The following CCDC146 variants were observed in gnomAD, a reference collection of about 807,000 sequenced individuals.
The protein encoded by CCDC146 is coiled-coil domain containing 146.
Under a neutral mutation model 119.3 loss-of-function variants are expected in CCDC146, and 92 were observed. The ratio of observed to expected loss-of-function variants is 0.77; its 90% CI spans 0.65 to 0.92. The LOEUF is 0.92. Ranked by LOEUF, CCDC146 falls within the 40% of genes least tolerant of loss-of-function variation. The probability of loss-of-function intolerance (pLI) is 0.00; values close to 1 mark genes in which losing one functional copy is unlikely to be tolerated. For missense variants in CCDC146, 1,000 were observed against 1,103.0 expected, an observed-to-expected ratio of 0.91 and a Z score of 1.32; for synonymous variants, 372 against 371.8, an observed-to-expected ratio of 1.00 and a Z score of -0.01.
At chr7:77,168,376 GCTGA>G (rs967562079) in intron 2 of CCDC146, among the ~76,000 whole-genome samples, 6 of 151,244 alleles carry the variant, frequency 4.0e-5, no homozygotes, top group Non-Finnish European at 8.9e-5. Context: ...TTAAGTAATG[GCTGA>G]CTATGTATTC....
chr7:77,147,233 G>A (rs975204571), intron 1 of CCDC146, among the ~76,000 whole-genome samples: 1 of 152,154 alleles, frequency 6.6e-6, no homozygotes, highest in Admixed American at 6.5e-5. Flanking sequence ...TCATCATGTA[G>A]TTCTCATGCC....
intron 2 of CCDC146, among the ~76,000 whole-genome samples, chr7:77,231,346 G>T (rs139588478): frequency 1.3e-5 from 2 of 152,050 alleles, no homozygotes; most frequent in East Asian, 3.9e-4. Flanking sequence ...ATTTAATAAG[G>T]AAAGAAAAAA....
At chr7:77,262,929 T>C (rs1420230290) in intron 9 of CCDC146, among the ~76,000 whole-genome samples, 1 of 152,190 alleles carries the variant, frequency 6.6e-6, no homozygotes, top group Non-Finnish European at 1.5e-5. Context: ...CAAGCGCCAC[T>C]GAAAGGGCAG....
intron 15 of CCDC146, among the ~76,000 whole-genome samples, chr7:77,285,082 A>C (rs1793825995): frequency 6.6e-6 from 1 of 152,024 alleles, no homozygotes; most frequent in Non-Finnish European, 1.5e-5. Context: ...TAATTGTCCA[A>C]CAATCTAATC....
chr7:77,277,314 A>G (rs1245285059), intron 11 of CCDC146, among the ~76,000 whole-genome samples: 1 of 152,214 alleles, frequency 6.6e-6, no homozygotes, highest in Non-Finnish European at 1.5e-5. Context: ...TGAATTAGAT[A>G]ATTTTCAATT....
At chr7:77,241,185 G>A (rs1792841353) in intron 3 of CCDC146, among the ~76,000 whole-genome samples, 1 of 148,808 alleles carries the variant, frequency 6.7e-6, no homozygotes. Context: ...AGCCTCCCGA[G>A]TAGCTGGGAC....
chr7:77,268,842 G>A (rs1204628900), intron 9 of CCDC146, among the ~76,000 whole-genome samples: 1 of 152,202 alleles, frequency 6.6e-6, no homozygotes, highest in African/African-American at 2.4e-5. Context: ...GCTTCACTAT[G>A]AAGAAGATTT....
intron 2 of CCDC146, chr7:77,199,700 CT>C: frequency 6.2e-7 from 1 of 1,614,124 alleles, no homozygotes; most frequent in African/African-American, 1.3e-5. Context: ...GCTCTTTCAT[CT>C]TTAATTTCCT....
chr7:77,262,103 T>G lies in CCDC146; in HGVS notation c.987-18T>G. 1 of 1,545,878 alleles carries G rather than the reference T, an allele frequency of 6.5e-7. No homozygotes were observed. ...TGATAACAAAATCATTTTCTTCTTC[T>G]TCCTTTACCTGGAACAGAGGGATCT... On this transcript the variant is annotated intron_variant, in intron 8 of 18. Transcript: ENST00000285871.
chr7:77,205,680 G>A (rs1278206635), intron 2 of CCDC146, among the ~76,000 whole-genome samples: 1 of 152,176 alleles, frequency 6.6e-6, no homozygotes, highest in Non-Finnish European at 1.5e-5. Flanking sequence ...GATCACTTGA[G>A]CCCAGGAGGC....
intron 1 of CCDC146, among the ~76,000 whole-genome samples, chr7:77,138,504 T>C (rs573781200): frequency 1.8e-4 from 27 of 152,246 alleles, no homozygotes; most frequent in Non-Finnish European, 3.2e-4. Context: ...TCCAAAAGCA[T>C]GATCCATTAA....
intron 18 of CCDC146, among the ~76,000 whole-genome samples, 200 bp from the exon 19 acceptor site, chr7:77,294,463 G>GGTGTGTGTGTGTGTGTGT (rs61323999): frequency 5.1e-4 from 68 of 134,308 alleles, no homozygotes; most frequent in Non-Finnish European, 8.7e-4. Flanking sequence ...ATGAGAGGTA[G>GGTGTGTGTGTGTGTGTGT]GTGTGTGTGT....
chr7:77,293,183 A>G lies in CCDC146; in HGVS notation c.2647A>G (p.Ile883Val). The change falls in exon 18 of 19, where the codon ATC (isoleucine) becomes GTC (valine). Residue 883 changes from isoleucine to valine, a missense_variant. Ile to Val is a conservative substitution (Grantham distance 29). This residue lies in a region of CCDC146 where 985 missense variants were observed against 1,045.3 expected (regional missense o/e 0.94). Transcript: ENST00000285871. ...AGATGAAGAAATGCACGCCTTGGCC[A>G]TCGCTGAAAAGTCTCAGGTAGGCTT... Reference protein sequence around the residue: ...LRDEEMHALAIAEKSQEFLEA... With the variant: ...LRDEEMHALAVAEKSQEFLEA... 6.2e-7 allele frequency: 1 copy of G among 1,614,028 alleles called. No individual in the cohort carries two copies. The highest frequency in any genetic ancestry group is 8.5e-7 in the Non-Finnish European group (1 of 1,180,010).
intron 1 of CCDC146, among the ~76,000 whole-genome samples, chr7:77,158,866 C>T (rs1467424536): frequency 3.3e-5 from 5 of 152,114 alleles, no homozygotes; most frequent in Non-Finnish European, 7.4e-5. Flanking sequence ...AAGTCCTTTC[C>T]TGCCTATTTA....
chr7:77,274,746 G>A, intron 11 of CCDC146, 94 bp downstream of exon 11: 1 of 967,718 alleles, frequency 1.0e-6, no homozygotes, highest in Non-Finnish European at 1.5e-6. Context: ...GATGAAGCTA[G>A]AAACCATCAT....
chr7:77,293,040 T>C lies in CCDC146; in HGVS notation c.2504T>C (p.Ile835Thr), dbSNP rs1292309704. 6.2e-7 allele frequency: 1 copy of C among 1,614,160 alleles called. No homozygotes were observed. Among genetic ancestry groups the C allele is most frequent in the East Asian group, 2.2e-5 (1 of 44,884 alleles). The change falls in exon 18 of 19, where the codon ATT becomes ACT. Residue 835 changes from isoleucine (I) to threonine (T), a missense_variant. Ile to Thr is a moderately conservative substitution (Grantham distance 89, BLOSUM62 -1). This residue lies in a region of CCDC146 where 985 missense variants were observed against 1,045.3 expected (regional missense o/e 0.94). Coordinates refer to ENST00000285871, the MANE Select transcript of CCDC146 (RefSeq NM_020879.3). ...AELSMKQALT[I>T]ELQKEVREKE... ...CTGTCCATGAAACAAGCCCTAACCA[T>C]TGAACTCCAAAAGGAAGTCAGGGAG...
chr7:77,159,802 G>C (rs1791231621), intron 1 of CCDC146, among the ~76,000 whole-genome samples: 1 of 152,152 alleles, frequency 6.6e-6, no homozygotes, highest in African/African-American at 2.4e-5. Flanking sequence ...ACTATCTTTT[G>C]TTGCCATTGC....
At chr7:77,148,772 G>C (rs1455062277) in intron 1 of CCDC146, among the ~76,000 whole-genome samples, 2 of 152,044 alleles carry the variant, frequency 1.3e-5, no homozygotes, top group Non-Finnish European at 2.9e-5. Flanking sequence ...CAACTTACAA[G>C]GGATGTGAAG....
intron 2 of CCDC146, chr7:77,199,040 T>A (rs1039469603): frequency 8.2e-5 from 59 of 718,646 alleles, no homozygotes; most frequent in Admixed American, 4.4e-4. Context: ...GAGAAGATAT[T>A]TATTTTTTCC....
Sources: gnomAD v4.1 joint callset for allele counts (sites outside exome capture counted in the v4.1 genomes callset) on GRCh38, gnomAD v4.1.1 for gene constraint, gnomAD v4.1.1 regional missense constraint, MANE v1.5 for transcripts, NCBI Gene and HGNC (gene_info 2026-07-23, HGNC 2026-07-21) for gene names.